RAB10: variants seen among roughly 807,000 people sequenced by gnomAD.
RAB10 encodes the protein RAB10, member RAS oncogene family, also known as ras-related protein Rab-10.
A neutral mutation model predicts 25.7 loss-of-function variants in RAB10; 5 were observed. That is an observed-to-expected ratio of 0.19 (90% CI 0.10 to 0.41). RAB10 has a LOEUF of 0.41. RAB10 is among the 10% of genes least tolerant of loss of function. RAB10 has a pLI of 1.00. For missense variants in RAB10, 103 were observed against 245.8 expected, an observed-to-expected ratio of 0.42 and a Z score of 3.89; for synonymous variants, 89 against 86.4, an observed-to-expected ratio of 1.03 and a Z score of -0.16.
At position 26,098,714 on chromosome 2, in the gene RAB10, A is replaced by G. The variant is rs921106363; in HGVS notation, c.180A>G (p.Leu60=). ...AATTACAAGGAAAGAAGATCAAGCT[A>G]CAGATATGGTAAGTGATGCTAATTT... ...TVELQGKKIK[L]QIWDTAGQER... is the part of the protein sequence containing the mutation. Residue 60 remains leucine (L), a synonymous_variant, in exon 2 of 6, where the codon CTA becomes CTG. Coordinates refer to ENST00000264710, the MANE Select transcript of RAB10 (RefSeq NM_016131.5). 2.5e-6 allele frequency: 4 copies of G among 1,588,792 alleles called. No individual in the cohort carries two copies. The highest frequency in any genetic ancestry group is 3.5e-6 in the Non-Finnish European group (4 of 1,158,540).
At chr2:26,076,892 C>T (rs1484379801) in intron 1 of RAB10, among the ~76,000 whole-genome samples, 1 of 146,128 alleles carries the variant, frequency 6.8e-6, no homozygotes, top group East Asian at 2.0e-4. Context: ...TGCAGTGAGC[C>T]GAGATCACAC....
rs552721440 is a variant in RAB10, at chr2:26,121,378, C to T, written c.328-5766C>T. ...ATATTTTTGTTTAAAGAGATGGGGACTCGCAGTGTTGCCCAGGCTGGTCTC... is the reference window on the plus strand; with the variant it reads ...ATATTTTTGTTTAAAGAGATGGGGATTCGCAGTGTTGCCCAGGCTGGTCTC... On this transcript the variant is annotated intron_variant, in intron 3 of 5. Coordinates refer to ENST00000264710, the MANE Select transcript of RAB10 (RefSeq NM_016131.5). Among the ~76,000 whole-genome samples the T allele has an allele frequency of 4.6e-5, 7 of 151,960 alleles. No homozygotes were observed. In the East Asian group the frequency reaches 7.8e-4, roughly 17 times the overall value.
At chr2:26,081,438 G>A (rs2149273845) in intron 1 of RAB10, among the ~76,000 whole-genome samples, 1 of 152,296 alleles carries the variant, frequency 6.6e-6, no homozygotes, top group Non-Finnish European at 1.5e-5. Flanking sequence ...ACTGTTAAAT[G>A]TATGAAGGTC....
intron 3 of RAB10, 120 bp from the exon 4 acceptor site, chr2:26,127,024 G>T: frequency 1.4e-6 from 1 of 715,768 alleles, no homozygotes; most frequent in East Asian, 2.8e-5. Flanking sequence ...TAGGGTGACT[G>T]CTTTAAAACT....
At chr2:26,067,167 G>A (rs571301733) in intron 1 of RAB10, among the ~76,000 whole-genome samples, 12 of 152,090 alleles carry the variant, frequency 7.9e-5, no homozygotes, top group Admixed American at 5.9e-4. Flanking sequence ...TCCTCCTGCC[G>A]TGGCCTTCCA....
chr2:26,046,396 C>T (rs1666004106), intron 1 of RAB10, among the ~76,000 whole-genome samples: 1 of 151,754 alleles, frequency 6.6e-6, no homozygotes, highest in South Asian at 2.1e-4. Flanking sequence ...AAAACTCAGT[C>T]TTAAGGGAAA....
At chr2:26,055,722 G>A (rs1395162268) in intron 1 of RAB10, among the ~76,000 whole-genome samples, 3 of 151,468 alleles carry the variant, frequency 2.0e-5, no homozygotes, top group East Asian at 3.9e-4. Flanking sequence ...ATGGGGTTTT[G>A]CAGTGTTGGC....
At chr2:26,058,179 C>A (rs374671420) in intron 1 of RAB10, among the ~76,000 whole-genome samples, 1 of 152,170 alleles carries the variant, frequency 6.6e-6, no homozygotes, top group African/African-American at 2.4e-5. Flanking sequence ...ATTATCTCCG[C>A]TGCTACCAGC....
chr2:26,136,807 T>C lies in RAB10; in HGVS notation c.*1786T>C, dbSNP rs1668121419. 1 of 152,582 alleles carries C rather than the reference T, an allele frequency of 6.6e-6. No homozygotes were observed. The highest frequency in any genetic ancestry group is 1.9e-4 in the East Asian group (1 of 5,200). The allele number at this position is 152,582 out of a possible 1,614,324, so 9.5% of individuals were successfully genotyped here. A position where few individuals can be genotyped will look rare whatever the true frequency, so the allele number is the denominator to read the frequency against. On this transcript the variant is annotated 3_prime_UTR_variant, in exon 6 of 6. Transcript: ENST00000264710. ...TCAGATAGTGCCCTAAAAACAATTT[T>C]ATATGCCTCACTGGTTGTTATTCTT... is the stretch of plus-strand genomic sequence containing the variant.
At chr2:26,109,124 T>C (rs1245148429) in intron 2 of RAB10, among the ~76,000 whole-genome samples, 1 of 151,312 alleles carries the variant, frequency 6.6e-6, no homozygotes, top group African/African-American at 2.4e-5. Context: ...GTTGGCCAAG[T>C]GTCTTGAACT....
intron 2 of RAB10, among the ~76,000 whole-genome samples, chr2:26,104,760 TG>T (rs1238609192): frequency 6.7e-6 from 1 of 148,908 alleles, no homozygotes; most frequent in African/African-American, 2.5e-5. Flanking sequence ...TTTTTTGAGA[TG>T]GAGTCTTGCT....
chr2:26,108,468 A>C (rs1048147181), intron 2 of RAB10, among the ~76,000 whole-genome samples: 2 of 152,224 alleles, frequency 1.3e-5, no homozygotes, highest in Non-Finnish European at 2.9e-5. Flanking sequence ...ATATAAACAT[A>C]GAAAACAGAT....
chr2:26,086,393 A>G (rs943294042), intron 1 of RAB10, among the ~76,000 whole-genome samples: 1 of 152,186 alleles, frequency 6.6e-6, no homozygotes, highest in Non-Finnish European at 1.5e-5. Context: ...CACATAAAAA[A>G]CCACAATGAG....
intron 1 of RAB10, among the ~76,000 whole-genome samples, chr2:26,053,303 A>G (rs550993189): frequency 1.3e-3 from 200 of 152,330 alleles, no homozygotes; most frequent in Non-Finnish European, 2.4e-3. Flanking sequence ...GAGTCCAAGT[A>G]GTTCCACCAC....
At chr2:26,061,843 ACCT>A (rs1404896666) in intron 1 of RAB10, among the ~76,000 whole-genome samples, 3 of 137,828 alleles carry the variant, frequency 2.2e-5, no homozygotes, top group Non-Finnish European at 3.0e-5. Flanking sequence ...TGCAGCCTTG[ACCT>A]CCTGGGCTCA....
At chr2:26,120,550 C>G (rs1667782396) in intron 3 of RAB10, among the ~76,000 whole-genome samples, 1 of 152,024 alleles carries the variant, frequency 6.6e-6, no homozygotes, top group Non-Finnish European at 1.5e-5. Context: ...TTAAGAGGCA[C>G]TAAATTCAGA....
intron 1 of RAB10, among the ~76,000 whole-genome samples, chr2:26,096,924 C>T (rs888615905): frequency 1.3e-5 from 2 of 152,222 alleles, no homozygotes; most frequent in East Asian, 3.9e-4. Flanking sequence ...TTGTTGCAGA[C>T]AGAAAACATA....
At chr2:26,107,807 C>A (rs865774401) in intron 2 of RAB10, among the ~76,000 whole-genome samples, 15 of 150,800 alleles carry the variant, frequency 9.9e-5, no homozygotes, top group East Asian at 1.9e-4. Context: ...AAAAAAAAAA[C>A]CCCAAAAACA....
chr2:26,073,119 T>C (rs1013382750), intron 1 of RAB10, among the ~76,000 whole-genome samples: 3 of 152,220 alleles, frequency 2.0e-5, no homozygotes, highest in Non-Finnish European at 4.4e-5. Context: ...ATTTGGTGTG[T>C]ATTGGTAGTT....
Sources: gnomAD v4.1 joint callset for allele counts (sites outside exome capture counted in the v4.1 genomes callset) on GRCh38, gnomAD v4.1.1 for gene constraint, MANE v1.5 for transcripts, NCBI Gene and HGNC (gene_info 2026-07-23, HGNC 2026-07-21) for gene names.